The following NABP1 variants were observed in gnomAD, a reference collection of about 807,000 sequenced individuals.
The protein encoded by NABP1 is nucleic acid binding protein 1, also known as SOSS complex subunit B2.
Under a neutral mutation model 25.0 loss-of-function variants are expected in NABP1, and 18 were observed. That is an observed-to-expected ratio of 0.72 (90% CI 0.50 to 1.07). The LOEUF (loss-of-function observed/expected upper bound fraction) is 1.07. Ranked by LOEUF, NABP1 falls within the 50% of genes least tolerant of loss-of-function variation. The pLI is 0.00. For synonymous variants in NABP1, 71 were observed against 85.0 expected (o/e 0.84, Z 0.91); for missense variants, 270 against 255.6 (o/e 1.06, Z -0.39).
At chr2:191,684,348 A>G in intron 5 of NABP1, 52 bp downstream of exon 5, 2 of 1,294,066 alleles carry the variant, frequency 1.5e-6, no homozygotes, top group Non-Finnish European at 2.1e-6. Context: ...GAATGAAGAG[A>G]GCTGTAAAGA....
chr2:191,679,277 G>A, intron 2 of NABP1, 149 bp downstream of exon 2: 1 of 940,782 alleles, frequency 1.1e-6, no homozygotes, highest in Non-Finnish European at 1.6e-6. Flanking sequence ...ACTTTGGGTG[G>A]TGGGCAGCGC....
At chr2:191,678,902 A>C in intron 1 of NABP1, 88 bp from the exon 2 acceptor site, 1 of 1,577,754 alleles carries the variant, frequency 6.3e-7, no homozygotes, top group Non-Finnish European at 8.7e-7. Context: ...CACCTTCCAG[A>C]TGTATTAAAA....
chr2:191,679,043 G>A lies in NABP1; in HGVS notation c.145G>A (p.Asp49Asn). 6.2e-7 allele frequency: 1 copy of A among 1,614,226 alleles called. No individual in the cohort carries two copies. Among genetic ancestry groups the A allele is most frequent in the South Asian group, 1.1e-5 (1 of 91,084 alleles). Residue 49 changes from aspartate (D) to asparagine (N), a missense_variant, in exon 2 of 6, where the codon GAT becomes AAT. Transcript: ENST00000425611. ...GHEVRSCKVA[D>N]KTGSITISVW... ...TGAAGTGAGATCGTGCAAAGTAGCAGATAAAACGGGCAGCATCACTATTTC... is the reference window on the plus strand; with the variant it reads ...TGAAGTGAGATCGTGCAAAGTAGCAAATAAAACGGGCAGCATCACTATTTC...
chr2:191,685,550 C>A (rs760641352), intron 5 of NABP1, 49 bp from the exon 6 acceptor site: 1 of 1,519,664 alleles, frequency 6.6e-7, no homozygotes, highest in Non-Finnish European at 8.9e-7. Flanking sequence ...AGTTCTACTT[C>A]TATAGACTAC....
At position 191,683,659 on chromosome 2, in the gene NABP1, G is replaced by A. The variant is rs1422593418; in HGVS notation, c.303-70G>A. 7 of 1,078,302 alleles carry A rather than the reference G, an allele frequency of 6.5e-6. No homozygotes were observed. The East Asian group carries it at 1.5e-4, about 23-fold the overall frequency. 66.8% of individuals were successfully genotyped at this position (1,078,302 alleles called of 1,614,324 possible). On this transcript the variant is annotated intron_variant, in intron 3 of 5. Coordinates refer to ENST00000425611, the MANE Select transcript of NABP1 (RefSeq NM_001031716.5). The surrounding 1 kb of genome is among the most constrained non-coding windows in gnomAD (Gnocchi z 4.1). ...CATAAGTTCATTCCTAAAAGTTAGA[G>A]ATGTTACATAAAGAAGGGTTGAGGA...
At chr2:191,678,966 C>T in intron 1 of NABP1, 24 bp from the exon 2 acceptor site, 3 of 1,614,202 alleles carry the variant, frequency 1.9e-6, no homozygotes, top group South Asian at 2.2e-5. Flanking sequence ...ACAACCCCTC[C>T]CTTTGATTTT....
rs1322828859 is a variant in NABP1, at chr2:191,685,960, G to A, written c.*192G>A. 2 of 514,802 alleles carry A rather than the reference G, an allele frequency of 3.9e-6. No homozygotes were observed. The highest frequency in any genetic ancestry group is 6.7e-6 in the Non-Finnish European group (2 of 298,042). 31.9% of individuals were successfully genotyped at this position (514,802 alleles called of 1,614,324 possible). On this transcript the variant is annotated 3_prime_UTR_variant, in exon 6 of 6. Coordinates refer to ENST00000425611, the MANE Select transcript of NABP1 (RefSeq NM_001031716.5). ...CTGCTCGAGTCTCCTGTTGAAGAAT[G>A]GGAACACTGAAAAGTAGGGGCATTT...
Position 191,684,302 on chromosome 2 carries a change from A to T in NABP1, c.445+6A>T, listed in dbSNP as rs1483410840. On this transcript the variant is annotated splice_donor_region_variant and intron_variant, in intron 5 of 5. Transcript: ENST00000425611. ...AGGTACATTTGGACCAGTGGGTAAG[A>T]TTTTGTTTGTGTGTTTCATTTGTGA... The T allele has an allele frequency of 1.2e-5, 18 of 1,514,468 alleles. No homozygotes were observed. The highest frequency in any genetic ancestry group is 1.5e-5 in the Non-Finnish European group (17 of 1,139,058). The allele number at this position is 1,514,468 out of a possible 1,614,324, so 93.8% of individuals were successfully genotyped here.
Position 191,685,836 on chromosome 2 carries a change from T to C in NABP1, c.*68T>C. The C allele has an allele frequency of 6.9e-7, 1 of 1,442,142 alleles. No individual in the cohort carries two copies. The highest frequency in any genetic ancestry group is 9.6e-7 in the Non-Finnish European group (1 of 1,044,308). 89.3% of individuals were successfully genotyped at this position (1,442,142 alleles called of 1,614,324 possible). ...TACTTGAACACTTATTGCACTTTTA[T>C]TTATTGTTAACTGTGAAAAGTACGT... On this transcript the variant is annotated 3_prime_UTR_variant, in exon 6 of 6. Coordinates refer to ENST00000425611, the MANE Select transcript of NABP1 (RefSeq NM_001031716.5).
chr2:191,682,687 G>T, intron 3 of NABP1: 1 of 347,926 alleles, frequency 2.9e-6, no homozygotes, highest in Non-Finnish European at 6.1e-6. Flanking sequence ...ATTCTGTTTG[G>T]TTAATGCTCT....
At position 191,678,973 on chromosome 2, in the gene NABP1, T is replaced by C. The variant is rs1481437343; in HGVS notation, c.92-17T>C. 1 of 1,614,224 alleles carries C rather than the reference T, an allele frequency of 6.2e-7. No homozygotes were observed. Among genetic ancestry groups the C allele is most frequent in the African/African-American group, 1.3e-5 (1 of 75,062 alleles). Reference sequence around the variant, plus strand: ...ATTATCTAACAACCCCTCCCTTTGATTTTTAAATCCTCACAGGACGCGTGA... The same window carrying C: ...ATTATCTAACAACCCCTCCCTTTGACTTTTAAATCCTCACAGGACGCGTGA... On this transcript the variant is annotated splice_polypyrimidine_tract_variant and intron_variant, in intron 1 of 5. Transcript: ENST00000425611.
chr2:191,679,586 A>T (rs535756354), intron 2 of NABP1, among the ~76,000 whole-genome samples: 8 of 152,104 alleles, frequency 5.3e-5, no homozygotes, highest in Middle Eastern at 6.8e-3. Context: ...AGTGTTGCCC[A>T]GGCTGGTCTC....
In NABP1 at chr2:191,685,597, A is replaced by T. The variant is rs1323197317; in HGVS notation, c.446-2A>T. 1 of 1,606,084 alleles carries T rather than the reference A, an allele frequency of 6.2e-7. No individual in the cohort carries two copies. ...GTGATGAATTTTTGTATTCTTTTTT[A>T]GGAAATGGTGTTCACACTGGCCCTG... On this transcript the variant is annotated splice_acceptor_variant, in intron 5 of 5. Coordinates refer to ENST00000425611, the MANE Select transcript of NABP1 (RefSeq NM_001031716.5). LOFTEE classifies it high-confidence loss of function.
rs987739896 is a variant in NABP1, at chr2:191,678,302, C to T, written c.-313C>T. ...CACTGCGTTTTTTTTTCCTTTTATC[C>T]AAAGAACGGGGCAGTTAGTACGCTT... On this transcript the variant is annotated 5_prime_UTR_variant, in exon 1 of 6. Transcript: ENST00000425611. The T allele has an allele frequency of 1.9e-5, 4 of 207,512 alleles. No homozygotes were observed. The highest frequency in any genetic ancestry group is 9.2e-5 in the African/African-American group (4 of 43,364). The allele number at this position is 207,512 out of a possible 1,614,324, so 12.9% of individuals were successfully genotyped here.
intron 4 of NABP1, 61 bp from the exon 5 acceptor site, chr2:191,684,169 T>G: frequency 9.7e-7 from 1 of 1,027,910 alleles, no homozygotes; most frequent in Non-Finnish European, 1.4e-6. Flanking sequence ...GATATAATAA[T>G]GTTGTAATAA....
Position 191,681,927 on chromosome 2 carries a change from A to T in NABP1, c.231-19A>T. Reference sequence around the variant, plus strand: ...AAATAAATATATTTCTAAAGAATTAATGTTTCTTTTCTCTCTAGGTATGCA... The same window carrying T: ...AAATAAATATATTTCTAAAGAATTATTGTTTCTTTTCTCTCTAGGTATGCA... On this transcript the variant is annotated intron_variant, in intron 2 of 5. Coordinates refer to ENST00000425611, the MANE Select transcript of NABP1 (RefSeq NM_001031716.5). The T allele has an allele frequency of 1.4e-6, 2 of 1,443,438 alleles. No individual in the cohort carries two copies. Among genetic ancestry groups the T allele is most frequent in the Non-Finnish European group, 9.3e-7 (1 of 1,073,830 alleles). 89.4% of individuals were successfully genotyped at this position (1,443,438 alleles called of 1,614,324 possible). A position where few individuals can be genotyped will look rare whatever the true frequency, so the allele number is the denominator to read the frequency against.
intron 1 of NABP1, 97 bp downstream of exon 1, chr2:191,678,802 TCCCTC>T: frequency 3.0e-6 from 2 of 663,418 alleles, no homozygotes; most frequent in African/African-American, 1.9e-5. Flanking sequence ...CCCCTCCTCC[TCCCTC>T]CCCTCCCCCA....
chr2:191,678,592 G>A lies in NABP1; in HGVS notation c.-23G>A, dbSNP rs1687570056. On this transcript the variant is annotated 5_prime_UTR_variant, in exon 1 of 6. Transcript: ENST00000425611. Reference sequence around the variant, plus strand: ...CGCCCTGCCCACTCGCGTCTCCGCAGCCGTAGCCGCGCCTGTCCCAATATG... The same window carrying A: ...CGCCCTGCCCACTCGCGTCTCCGCAACCGTAGCCGCGCCTGTCCCAATATG... The A allele has an allele frequency of 1.9e-6, 3 of 1,575,056 alleles. No homozygotes were observed. The highest frequency in any genetic ancestry group is 2.6e-6 in the Non-Finnish European group (3 of 1,148,630).
rs144663969 is a variant in NABP1 at position 191,680,191 on chromosome 2, C to G, written c.230+1063C>G. 2.7e-3 allele frequency among the ~76,000 whole-genome samples: 412 copies of G among 152,180 alleles called. 6 individuals carry two copies. The highest frequency in any genetic ancestry group is 9.4e-3 in the African/African-American group (389 of 41,490). ...GGAAGATAAAAGGGCAGAAAAGGAT[C>G]TTAAAAACAGAATTTGGAAGCTTTT... On this transcript the variant is annotated intron_variant, in intron 2 of 5. Transcript: ENST00000425611.
Sources: gnomAD v4.1 joint callset for allele counts (sites outside exome capture counted in the v4.1 genomes callset) on GRCh38, gnomAD v4.1.1 for gene constraint, Gnocchi (gnomAD v3.1) non-coding constraint, MANE v1.5 for transcripts, NCBI Gene and HGNC (gene_info 2026-07-23, HGNC 2026-07-21) for gene names.